TMEM260: variants seen among roughly 807,000 people sequenced by gnomAD.
The protein encoded by TMEM260 is protein O-mannosyl-transferase TMEM260.
Under a neutral mutation model 88.9 loss-of-function variants are expected in TMEM260, and 82 were observed. That is an observed-to-expected ratio of 0.92 (90% CI 0.77 to 1.11). The LOEUF (loss-of-function observed/expected upper bound fraction) is 1.11, where lower values mean the gene tolerates loss of function less well. Among genes scored for constraint, TMEM260 ranks in the 50% least tolerant of loss-of-function variants. TMEM260 has a pLI of 0.00. For missense variants in TMEM260, 902 were observed against 853.4 expected (o/e 1.06, Z -0.71); for synonymous variants, 314 against 309.3 (o/e 1.02, Z -0.16).
Position 56,647,574 on chromosome 14 carries a change from A to T in TMEM260, c.*77A>T. The T allele has an allele frequency of 1.4e-6, 2 of 1,475,632 alleles. No homozygotes were observed. Among genetic ancestry groups the T allele is most frequent in the Non-Finnish European group, 1.8e-6 (2 of 1,112,486 alleles). The allele number at this position is 1,475,632 out of a possible 1,614,324, so 91.4% of individuals were successfully genotyped here. On this transcript the variant is annotated 3_prime_UTR_variant, in exon 16 of 16. Transcript: ENST00000261556. The stretch of plus-strand genomic sequence containing the variant: ...GTCTGGAAGTTTTTCCTTCAAGAAA[A>T]GAAACTGCATAAAAAATTTAAAACT...
intron 3 of TMEM260, among the ~76,000 whole-genome samples, chr14:56,597,834 G>A (rs1043173670): frequency 6.6e-6 from 1 of 152,054 alleles, no homozygotes; most frequent in African/African-American, 2.4e-5. Context: ...GAGAGAGAGG[G>A]AAAAGAAGCT....
intron 7 of TMEM260, chr14:56,612,686 G>T: frequency 1.3e-5 from 2 of 150,564 alleles, no homozygotes; most frequent in African/African-American, 2.5e-5. Flanking sequence ...TGTACAGACA[G>T]TTTTTTCCCC....
chr14:56,633,227 AAAAAACTACTACATTTTGAGAT>A, intron 13 of TMEM260, 56 bp downstream of exon 13: 1 of 1,413,216 alleles, frequency 7.1e-7, no homozygotes, highest in Non-Finnish European at 9.5e-7. Context: ...TGAATACCCA[AAAAAACTACTACATTTTGAGAT>A]GCCTTCTAAT....
chr14:56,648,595 AT>A lies in TMEM260; in HGVS notation c.*1100del, dbSNP rs1221475063. ...TGCATTCAAAGATCACTGGTGAGTC[AT>A]TCAGCAAGAAAAGGCCCCTTACCAG... On this transcript the variant is annotated 3_prime_UTR_variant, in exon 16 of 16. Coordinates refer to ENST00000261556, the MANE Select transcript of TMEM260 (RefSeq NM_017799.4). 1 of 152,696 alleles carries A rather than the reference AT, an allele frequency of 6.5e-6. No homozygotes were observed. Among genetic ancestry groups the A allele is most frequent in the Non-Finnish European group, 1.5e-5 (1 of 68,070 alleles). 9.5% of individuals were successfully genotyped at this position (152,696 alleles called of 1,614,324 possible).
chr14:56,636,482 A>AT, intron 14 of TMEM260, 26 bp from the exon 15 acceptor site: 3 of 1,600,070 alleles, frequency 1.9e-6, no homozygotes, highest in Non-Finnish European at 2.6e-6. Flanking sequence ...TATGATTTTA[A>AT]TGAAGGTTCC....
At chr14:56,617,603 C>T (rs1887668747) in intron 9 of TMEM260, among the ~76,000 whole-genome samples, 1 of 152,048 alleles carries the variant, frequency 6.6e-6, no homozygotes, top group Non-Finnish European at 1.5e-5. Context: ...TTTTTAACAG[C>T]AAAAGAAATA....
Position 56,609,291 on chromosome 14 carries a change from T to G in TMEM260, c.816+6T>G, listed in dbSNP as rs370829710. ...AATATGGAACCTTCAGCCTGGTAAATTCAGATTTAAAGCCCTTCTAAGGAA... is the reference window on the plus strand; with the variant it reads ...AATATGGAACCTTCAGCCTGGTAAAGTCAGATTTAAAGCCCTTCTAAGGAA... On this transcript the variant is annotated splice_donor_region_variant and intron_variant, in intron 6 of 15. Coordinates refer to ENST00000261556, the MANE Select transcript of TMEM260 (RefSeq NM_017799.4). 2.4e-5 allele frequency: 39 copies of G among 1,613,072 alleles called. No individual in the cohort carries two copies. The highest frequency in any genetic ancestry group is 3.2e-5 in the Non-Finnish European group (38 of 1,179,376).
chr14:56,604,108 C>G, intron 4 of TMEM260, 116 bp downstream of exon 4: 3 of 990,974 alleles, frequency 3.0e-6, no homozygotes, highest in Non-Finnish European at 2.8e-6. Context: ...TCGGGATAAT[C>G]TAGCATGCTG....
At chr14:56,582,279 C>G (rs2151777) in intron 1 of TMEM260, among the ~76,000 whole-genome samples, 53,369 of 152,060 alleles carry the variant, frequency 0.35, 11,101 homozygotes, top group East Asian at 0.61. Context: ...CACATTGTGT[C>G]GTCTTGCCAA....
chr14:56,654,719 C>T (rs1395207535), downstream of TMEM260, among the ~76,000 whole-genome samples: 1 of 143,706 alleles, frequency 7.0e-6, no homozygotes, highest in East Asian at 2.1e-4. Flanking sequence ...GAGGCTGAGG[C>T]AGGAGAATCG....
At chr14:56,591,408 C>T (rs985280180) in intron 3 of TMEM260, among the ~76,000 whole-genome samples, 10 of 151,940 alleles carry the variant, frequency 6.6e-5, no homozygotes, top group African/African-American at 1.9e-4. Flanking sequence ...AGTTTAATAC[C>T]CTCATTCTGT....
the TMEM260 span, among the ~76,000 whole-genome samples, chr14:56,657,673 TA>T: frequency 4.6e-5 from 7 of 152,306 alleles, no homozygotes; most frequent in East Asian, 1.4e-3. Flanking sequence ...TTCTCATTGT[TA>T]AAAGTGTTGC....
intron 15 of TMEM260, 53 bp downstream of exon 15, chr14:56,636,651 G>GTGAT: frequency 1.3e-6 from 2 of 1,487,838 alleles, no homozygotes; most frequent in South Asian, 1.1e-5. Context: ...GAAGGTGATG[G>GTGAT]TGATTGTTCA....
At chr14:56,593,869 A>T (rs1388418797) in intron 3 of TMEM260, among the ~76,000 whole-genome samples, 6 of 150,588 alleles carry the variant, frequency 4.0e-5, no homozygotes, top group Admixed American at 4.0e-4. Flanking sequence ...TTGTATTTTT[A>T]GTAGAGACGG....
the TMEM260 span, among the ~76,000 whole-genome samples, chr14:56,662,272 G>T: frequency 6.6e-6 from 1 of 152,188 alleles, no homozygotes; most frequent in South Asian, 2.1e-4. Flanking sequence ...TTATTGCCAA[G>T]AACAGGATCC....
intron 6 of TMEM260, among the ~76,000 whole-genome samples, chr14:56,611,010 A>G (rs922875887): frequency 3.6e-5 from 5 of 137,226 alleles, no homozygotes; most frequent in Admixed American, 3.2e-4. Context: ...TCTATCACCC[A>G]GGCTGGAGTG....
rs1367536129 is a variant in TMEM260 at position 56,616,409 on chromosome 14, T to C, written c.941+382T>C. 4 of 161,314 alleles carry C rather than the reference T, an allele frequency of 2.5e-5. No homozygotes were observed. In the Admixed American group the frequency reaches 2.5e-4, roughly 10 times the overall value. The allele number at this position is 161,314 out of a possible 1,614,324, so 10.0% of individuals were successfully genotyped here. Reference sequence around the variant, plus strand: ...AAAAATGTAGCACTGTAAATCTCCATTAATTTATTCATTTATGATCTAGTC... The same window carrying C: ...AAAAATGTAGCACTGTAAATCTCCACTAATTTATTCATTTATGATCTAGTC... On this transcript the variant is annotated intron_variant, in intron 8 of 15. Transcript: ENST00000261556.
Position 56,647,798 on chromosome 14 carries a change from T to A in TMEM260, c.*301T>A. 3.2e-6 allele frequency: 1 copy of A among 309,828 alleles called. No individual in the cohort carries two copies. Among genetic ancestry groups the A allele is most frequent in the South Asian group, 4.6e-5 (1 of 21,940 alleles). 19.2% of individuals were successfully genotyped at this position (309,828 alleles called of 1,614,324 possible). On this transcript the variant is annotated 3_prime_UTR_variant, in exon 16 of 16. Transcript: ENST00000261556. Reference sequence around the variant, plus strand: ...CACTGGATTAGATTCTAGAAGAGAATGAACCATTTTCATATAACTAAATAT... The same window carrying A: ...CACTGGATTAGATTCTAGAAGAGAAAGAACCATTTTCATATAACTAAATAT...
chr14:56,646,852 G>GT (rs200406842), intron 15 of TMEM260, among the ~76,000 whole-genome samples: 14,332 of 145,546 alleles, frequency 0.098, 1,078 homozygotes, highest in African/African-American at 0.21. Flanking sequence ...AAAGAAAGCT[G>GT]TTTTTTTTTT....
Sources: allele counts gnomAD v4.1 joint callset (sites outside exome capture counted in the v4.1 genomes callset), GRCh38; gene constraint gnomAD v4.1.1; transcripts MANE v1.5; gene names NCBI Gene and HGNC (gene_info 2026-07-23, HGNC 2026-07-21).